The following FAT3 variants were observed in gnomAD, a reference collection of about 807,000 sequenced individuals.
FAT3 encodes the protein protocadherin Fat 3.
Under a neutral mutation model 310.2 loss-of-function variants are expected in FAT3, and 95 were observed. That is an observed-to-expected ratio of 0.31 (90% confidence interval 0.26 to 0.36). FAT3 has a LOEUF of 0.36. Ranked by LOEUF, FAT3 falls within the 10% of genes least tolerant of loss-of-function variation. FAT3 has a pLI of 1.00. For missense variants in FAT3, 5,408 were observed against 5,715.6 expected (o/e 0.95, Z 1.74); for synonymous variants, 2,314 against 2,192.9 (o/e 1.06, Z -1.54).
At position 92,829,559 on chromosome 11, in the gene FAT3, C is replaced by A. The variant is rs568759437; in HGVS notation, c.9482-2063C>A. On this transcript the variant is annotated intron_variant, in intron 13 of 27. Transcript: ENST00000525166. Reference sequence around the variant, plus strand: ...GGTGCAAGCTTGATCACCTATGCAACCCGTGTGTGTATTCACCTCAGGAAT... The same window carrying A: ...GGTGCAAGCTTGATCACCTATGCAAACCGTGTGTGTATTCACCTCAGGAAT... 7.2e-5 allele frequency among the ~76,000 whole-genome samples: 11 copies of A among 152,276 alleles called. 1 individual carries two copies. The South Asian group carries it at 2.3e-3, about 32-fold the overall frequency.
chr11:92,603,891 T>A (rs188377412), intron 3 of FAT3, among the ~76,000 whole-genome samples: 3 of 152,338 alleles, frequency 2.0e-5, no homozygotes, highest in Admixed American at 2.0e-4. Flanking sequence ...GAGTCTTATG[T>A]TCTGGATCCT....
chr11:92,849,047 A>G (rs1368164146), intron 19 of FAT3, among the ~76,000 whole-genome samples: 1 of 152,228 alleles, frequency 6.6e-6, no homozygotes, highest in Non-Finnish European at 1.5e-5. Context: ...TTTCACATAC[A>G]TGTAATTGCA....
intron 2 of FAT3, among the ~76,000 whole-genome samples, chr11:92,405,149 C>T (rs496035): frequency 0.1 from 15,775 of 151,988 alleles, 869 homozygotes; most frequent in South Asian, 0.18. Context: ...ATCCTGTGTT[C>T]TTCCTCATGA....
chr11:92,528,965 C>G (rs995127438), intron 3 of FAT3, among the ~76,000 whole-genome samples: 5 of 152,198 alleles, frequency 3.3e-5, no homozygotes, highest in African/African-American at 1.2e-4. Context: ...TTGAGGAAGA[C>G]ATTTCTGAAA....
chr11:92,854,161 C>T (rs1254216475), intron 19 of FAT3, among the ~76,000 whole-genome samples: 2 of 152,208 alleles, frequency 1.3e-5, no homozygotes, highest in African/African-American at 4.8e-5. Context: ...TTAGCACCAC[C>T]CTGAATGCAT....
intron 1 of FAT3, among the ~76,000 whole-genome samples, chr11:92,278,471 CAATTTTTGGATTGTATTTTTTGGTGGTTA>C (rs1447103098): frequency 6.6e-6 from 1 of 152,004 alleles, no homozygotes; most frequent in African/African-American, 2.4e-5. Context: ...TTCCTAAGTG[CAATTTTTGGATTGTATTTTTTGGTGGTTA>C]AATCTAGAAA....
intron 2 of FAT3, among the ~76,000 whole-genome samples, chr11:92,358,062 A>G (rs1307030937): frequency 6.6e-6 from 1 of 151,682 alleles, no homozygotes; most frequent in Non-Finnish European, 1.5e-5. Flanking sequence ...AGTCACAGTG[A>G]CTCAGGAAGC....
intron 2 of FAT3, among the ~76,000 whole-genome samples, chr11:92,517,738 A>G (rs1330788350): frequency 6.6e-6 from 1 of 152,224 alleles, no homozygotes; most frequent in Non-Finnish European, 1.5e-5. Flanking sequence ...ACAAAGAGCT[A>G]ATATCCAGAA....
intron 1 of FAT3, among the ~76,000 whole-genome samples, chr11:92,327,416 C>A (rs545861598): frequency 6.6e-6 from 1 of 152,100 alleles, no homozygotes; most frequent in Non-Finnish European, 1.5e-5. Context: ...TACTTTGGGG[C>A]AGAGCATTTC....
At chr11:92,644,220 C>A (rs780937085) in intron 3 of FAT3, among the ~76,000 whole-genome samples, 13 of 152,212 alleles carry the variant, frequency 8.5e-5, no homozygotes, top group Non-Finnish European at 1.5e-4. Context: ...AAAAGTGCCT[C>A]CCTAGTGCCA....
intron 3 of FAT3, among the ~76,000 whole-genome samples, chr11:92,566,097 T>C (rs943006818): frequency 6.6e-5 from 10 of 152,162 alleles, no homozygotes; most frequent in African/African-American, 1.7e-4. Flanking sequence ...AGTCGAATTG[T>C]CCCTGTTTGC....
At chr11:92,355,440 AC>A in intron 2 of FAT3, 36 bp downstream of exon 2, 1 of 1,565,670 alleles carries the variant, frequency 6.4e-7, no homozygotes, top group Middle Eastern at 1.7e-4. Context: ...GTGTTGTTTC[AC>A]CTCTTTTAAA....
At chr11:92,807,638 G>A (rs1362316245) in intron 12 of FAT3, among the ~76,000 whole-genome samples, 5 of 152,166 alleles carry the variant, frequency 3.3e-5, no homozygotes, top group Non-Finnish European at 4.4e-5. Context: ...TTCTCACTTT[G>A]AAATGGCTTT....
At chr11:92,790,245 C>A (rs775257723) in intron 8 of FAT3, 27 bp downstream of exon 8, 24 of 1,608,288 alleles carry the variant, frequency 1.5e-5, no homozygotes, top group Non-Finnish European at 1.8e-5. Flanking sequence ...AATTAGCACT[C>A]CTACAGAACC....
intron 4 of FAT3, 109 bp downstream of exon 4, chr11:92,697,554 T>A: frequency 9.4e-7 from 1 of 1,068,126 alleles, no homozygotes; most frequent in Non-Finnish European, 1.4e-6. Flanking sequence ...GATATCAAAG[T>A]GAAGATATTT....
intron 2 of FAT3, among the ~76,000 whole-genome samples, chr11:92,382,308 G>C (rs1018105833): frequency 6.6e-6 from 1 of 150,584 alleles, no homozygotes; most frequent in South Asian, 2.1e-4. Context: ...AACTCCTAGT[G>C]GGGGGTCAGC....
At chr11:92,480,839 T>A (rs1952204148) in intron 2 of FAT3, among the ~76,000 whole-genome samples, 1 of 152,186 alleles carries the variant, frequency 6.6e-6, no homozygotes. Context: ...ATCAATCGTA[T>A]GGAGTGAAGT....
At chr11:92,551,980 A>C (rs2135440442) in intron 3 of FAT3, among the ~76,000 whole-genome samples, 1 of 152,334 alleles carries the variant, frequency 6.6e-6, no homozygotes, top group East Asian at 1.9e-4. Flanking sequence ...GATGTTATTT[A>C]ATTTTCAATA....
intron 3 of FAT3, among the ~76,000 whole-genome samples, chr11:92,572,068 C>G (rs539906366): frequency 6.6e-6 from 1 of 152,254 alleles, no homozygotes; most frequent in South Asian, 2.1e-4. Context: ...ATGCTGGCAG[C>G]CGAGTGCTCC....
Sources: gnomAD v4.1 joint callset for allele counts (sites outside exome capture counted in the v4.1 genomes callset) on GRCh38, gnomAD v4.1.1 for gene constraint, MANE v1.5 for transcripts, NCBI Gene and HGNC (gene_info 2026-07-23, HGNC 2026-07-21) for gene names.